The following CHRM3 variants were observed in gnomAD, a reference collection of about 807,000 sequenced individuals.
CHRM3 encodes cholinergic receptor muscarinic 3.
CHRM3 carries 11 observed loss-of-function variants against 41.8 expected under a neutral mutation model. The observed-to-expected ratio is 0.26, with a 90% CI of 0.17 to 0.44. CHRM3 has a LOEUF of 0.44. CHRM3 is among the 20% of genes least tolerant of loss of function. The pLI, the probability that CHRM3 is intolerant of heterozygous loss-of-function variation, is 1.00. For missense variants in CHRM3, 571 were observed against 745.4 expected, an observed-to-expected ratio of 0.77 and a Z score of 2.72; for synonymous variants, 297 against 301.4, an observed-to-expected ratio of 0.99 and a Z score of 0.15.
chr1:239,796,077 C>T (rs971973171), intron 5 of CHRM3, among the ~76,000 whole-genome samples: 8 of 152,078 alleles, frequency 5.3e-5, no homozygotes, highest in Admixed American at 5.2e-4. Flanking sequence ...ACTCCTGTTG[C>T]TATTATAGTT....
rs11413091 is a variant in CHRM3 at position 239,618,273 on chromosome 1, C to CTTTTTTTTTTTTT, written c.-312-13948_-312-13947insTTTTTTTTTTTTT. ...TAGAGAGTAGGAGTACTTTTTTTTT[C>CTTTTTTTTTTTTT]TTTCTTTTTTTTTTTTTTTTTTAAT... On this transcript the variant is annotated intron_variant, in intron 3 of 6. Transcript: ENST00000676153. 1.2e-4 allele frequency among the ~76,000 whole-genome samples: 14 copies of CTTTTTTTTTTTTT among 113,042 alleles called. 1 individual carries two copies. The highest frequency in any genetic ancestry group is 1.7e-4 in the Non-Finnish European group (10 of 58,292). 74.2% of individuals were successfully genotyped at this position (113,042 alleles called of 152,430 possible).
At chr1:239,779,958 T>C (rs1295358735) in intron 5 of CHRM3, among the ~76,000 whole-genome samples, 1 of 152,222 alleles carries the variant, frequency 6.6e-6, no homozygotes, top group African/African-American at 2.4e-5. Flanking sequence ...TCAGTTCATG[T>C]CTTGATAGTG....
chr1:239,617,717 A>C (rs546148807), intron 3 of CHRM3, among the ~76,000 whole-genome samples: 1 of 152,256 alleles, frequency 6.6e-6, no homozygotes, highest in East Asian at 1.9e-4. Context: ...AGACAATAAA[A>C]TGTTGGAAAA....
intron 6 of CHRM3, among the ~76,000 whole-genome samples, chr1:239,883,056 T>G (rs1459312783): frequency 6.6e-6 from 1 of 152,236 alleles, no homozygotes; most frequent in East Asian, 1.9e-4. Flanking sequence ...TCTTTATAGT[T>G]CAGGAGAATT....
chr1:239,679,585 C>T (rs1395722664), intron 5 of CHRM3, among the ~76,000 whole-genome samples: 1 of 152,090 alleles, frequency 6.6e-6, no homozygotes, highest in African/African-American at 2.4e-5. Context: ...AGATGTGTTT[C>T]TAAGGTTTTC....
At chr1:239,766,719 A>AGATAT in intron 5 of CHRM3, among the ~76,000 whole-genome samples, 1 of 151,284 alleles carries the variant, frequency 6.6e-6, no homozygotes, top group East Asian at 1.9e-4. Flanking sequence ...ATATAGATAT[A>AGATAT]ATTTTTCTTT....
chr1:239,821,281 G>C (rs1672024043), intron 5 of CHRM3, among the ~76,000 whole-genome samples: 1 of 152,182 alleles, frequency 6.6e-6, no homozygotes, highest in Admixed American at 6.5e-5. Flanking sequence ...ATTGATCTCT[G>C]TTTTATCTGA....
intron 2 of CHRM3, among the ~76,000 whole-genome samples, chr1:239,544,949 G>T (rs891908904): frequency 6.6e-6 from 1 of 152,200 alleles, no homozygotes; most frequent in Non-Finnish European, 1.5e-5. Context: ...AGAGTCTTGG[G>T]CCATTTGCCT....
At position 239,910,024 on chromosome 1, in the gene CHRM3, T is replaced by A. The variant is rs1572665392; in HGVS notation, c.*800T>A. The A allele has an allele frequency of 6.0e-6, 1 of 166,914 alleles. No individual in the cohort carries two copies. Among genetic ancestry groups the A allele is most frequent in the East Asian group, 1.9e-4 (1 of 5,180 alleles). The allele number at this position is 166,914 out of a possible 1,614,324, so 10.3% of individuals were successfully genotyped here. A position where few individuals can be genotyped will look rare whatever the true frequency, so the allele number is the denominator to read the frequency against. ...TGTAATGTTTTTGAAACCAGGGCTG[T>A]TTTCCACAGAGAGCAGCCAGGCCTT... On this transcript the variant is annotated 3_prime_UTR_variant, in exon 7 of 7. Coordinates refer to ENST00000676153, the MANE Select transcript of CHRM3 (RefSeq NM_001375978.1).
intron 1 of CHRM3, among the ~76,000 whole-genome samples, chr1:239,395,154 T>C (rs1659371070): frequency 6.6e-6 from 1 of 152,170 alleles, no homozygotes; most frequent in South Asian, 2.1e-4. Context: ...TTTTCTCTTC[T>C]TCCTGTTCCC....
intron 5 of CHRM3, among the ~76,000 whole-genome samples, chr1:239,715,906 A>T (rs1010246287): frequency 6.6e-6 from 1 of 151,990 alleles, no homozygotes; most frequent in Admixed American, 6.6e-5. Context: ...AGAAAAGGAG[A>T]TGTGGAAGGA....
At chr1:239,828,624 A>T (rs1435844677) in intron 6 of CHRM3, among the ~76,000 whole-genome samples, 1 of 152,162 alleles carries the variant, frequency 6.6e-6, no homozygotes, top group African/African-American at 2.4e-5. Flanking sequence ...AGGTGGGAGC[A>T]CATTTGGAGT....
At chr1:239,455,559 T>C (rs1482742188) in intron 1 of CHRM3, among the ~76,000 whole-genome samples, 1 of 152,128 alleles carries the variant, frequency 6.6e-6, no homozygotes, top group African/African-American at 2.4e-5. Context: ...ACGGTGTGTG[T>C]TTCTGTCTTA....
chr1:239,430,673 AG>A (rs1662763067), intron 1 of CHRM3, among the ~76,000 whole-genome samples: 1 of 106,340 alleles, frequency 9.4e-6, no homozygotes, highest in African/African-American at 3.2e-5. Context: ...CACACATACT[AG>A]ATATATATAT....
At chr1:239,540,777 C>A (rs1341671119) in intron 2 of CHRM3, among the ~76,000 whole-genome samples, 1 of 152,172 alleles carries the variant, frequency 6.6e-6, no homozygotes, top group Non-Finnish European at 1.5e-5. Context: ...TTCCTTATAT[C>A]AGTATAACTT....
chr1:239,584,054 A>G (rs912849446), intron 3 of CHRM3, among the ~76,000 whole-genome samples: 5 of 151,750 alleles, frequency 3.3e-5, no homozygotes, highest in Admixed American at 6.6e-5. Context: ...CCACAAAATC[A>G]GAACATGGTT....
intron 2 of CHRM3, among the ~76,000 whole-genome samples, chr1:239,529,567 G>A (rs1463634302): frequency 2.1e-5 from 3 of 141,624 alleles, no homozygotes; most frequent in East Asian, 2.1e-4. Context: ...AGCCAAGATC[G>A]TGTTGCTGCA....
chr1:239,571,116 G>T (rs1017375490), intron 3 of CHRM3, among the ~76,000 whole-genome samples: 1 of 152,010 alleles, frequency 6.6e-6, no homozygotes, highest in Non-Finnish European at 1.5e-5. Flanking sequence ...TGGATAACCC[G>T]AATCTACCCA....
At chr1:239,783,985 T>C (rs888713954) in intron 5 of CHRM3, among the ~76,000 whole-genome samples, 3 of 152,210 alleles carry the variant, frequency 2.0e-5, no homozygotes, top group Non-Finnish European at 4.4e-5. Context: ...CCTGCATTAA[T>C]TCACCGAGGA....
Sources: gnomAD v4.1 joint callset for allele counts (sites outside exome capture counted in the v4.1 genomes callset) on GRCh38, gnomAD v4.1.1 for gene constraint, MANE v1.5 for transcripts, NCBI Gene and HGNC (gene_info 2026-07-23, HGNC 2026-07-21) for gene names.